ABI3: variants seen among roughly 807,000 people sequenced by gnomAD.
ABI3 encodes ABI family member 3.
ABI3 carries 24 observed loss-of-function variants against 37.0 expected under a neutral mutation model. The observed-to-expected ratio is 0.65, with a 90% CI of 0.47 to 0.91. ABI3 has a LOEUF of 0.91. Ranked by LOEUF, ABI3 falls within the 40% of genes least tolerant of loss-of-function variation. The probability of loss-of-function intolerance (pLI) is 0.00; values close to 1 mark genes in which losing one functional copy is unlikely to be tolerated. For missense variants in ABI3, 481 were observed against 485.1 expected (o/e 0.99, Z 0.08); for synonymous variants, 220 against 211.8 (o/e 1.04, Z -0.34).
At chr17:49,222,054 T>C (rs770045145) in intron 6 of ABI3, 37 bp from the exon 7 acceptor site, 3 of 1,541,812 alleles carry the variant, frequency 1.9e-6, no homozygotes, top group Non-Finnish European at 2.6e-6. Context: ...AGGAGCTTCC[T>C]GTGCCACACT....
chr17:49,217,642 TCC>T (rs113223751), intron 2 of ABI3, 95 bp from the exon 3 acceptor site: 4 of 1,128,426 alleles, frequency 3.5e-6, no homozygotes, highest in Non-Finnish European at 4.9e-6. Flanking sequence ...CCTGGCTGCC[TCC>T]CCCCCCCAGC....
intron 2 of ABI3, among the ~76,000 whole-genome samples, chr17:49,217,494 A>G (rs2043231328): frequency 6.6e-6 from 1 of 151,264 alleles, no homozygotes; most frequent in Non-Finnish European, 1.5e-5. Flanking sequence ...CTGTTCCTGC[A>G]CAGCTAATAA....
intron 1 of ABI3, among the ~76,000 whole-genome samples, chr17:49,215,524 G>T (rs899560989): frequency 2.6e-5 from 4 of 151,854 alleles, no homozygotes; most frequent in Non-Finnish European, 5.9e-5. Flanking sequence ...TTGAGACAGG[G>T]TCTCACTCTG....
At position 49,223,223 on chromosome 17, in the gene ABI3, T is replaced by G; in HGVS notation, c.*508T>G. 2 of 357,322 alleles carry G rather than the reference T, an allele frequency of 5.6e-6. No individual in the cohort carries two copies. The highest frequency in any genetic ancestry group is 1.0e-5 in the Non-Finnish European group (2 of 199,758). 22.1% of individuals were successfully genotyped at this position (357,322 alleles called of 1,614,324 possible). A position where few individuals can be genotyped will look rare whatever the true frequency, so the allele number is the denominator to read the frequency against. On this transcript the variant is annotated 3_prime_UTR_variant, in exon 8 of 8. Transcript: ENST00000225941. ...TGACTGCAACTTGTTCTTTTGCCCA[T>G]TGCTTGCTGTGTGTGTGGTGTGTTC...
Position 49,219,867 on chromosome 17 carries a change from C to T in ABI3, c.558C>T (p.Pro186=). 7 of 1,544,498 alleles carry T rather than the reference C, an allele frequency of 4.5e-6. No individual in the cohort carries two copies. Among genetic ancestry groups the T allele is most frequent in the Non-Finnish European group, 6.1e-6 (7 of 1,150,138 alleles). Residue 186 remains proline (P), a synonymous_variant, in exon 5 of 8, where the codon CCC becomes CCT. Coordinates refer to ENST00000225941, the MANE Select transcript of ABI3 (RefSeq NM_016428.3). This position sits in a 1 kb window ranked among gnomAD's most constrained non-coding sequence, Gnocchi z 4.3. The stretch of plus-strand genomic sequence containing the variant: ...CCCTGCCCCCCGCCAGGAGACCACC[C>T]CGGATTCCCGAGCCAGTGCACCTGC... ...TPASATLGRP[P]RIPEPVHLPV... is the part of the protein sequence containing the mutation.
rs2043202810 is a variant in ABI3 at position 49,214,645 on chromosome 17, G to A, written c.118-1886G>A. Among the ~76,000 whole-genome samples, 12 of 152,334 alleles carry A rather than the reference G, an allele frequency of 7.9e-5. No homozygotes were observed. In the South Asian group the frequency reaches 2.5e-3, roughly 32 times the overall value. On this transcript the variant is annotated intron_variant, in intron 1 of 7. Coordinates refer to ENST00000225941, the MANE Select transcript of ABI3 (RefSeq NM_016428.3). The stretch of plus-strand genomic sequence containing the variant: ...GAATCGCTTGAACCCAGGAGGCGGA[G>A]GTTGGGGTGAGCTGAGATTGTGCCA...
chr17:49,220,439 C>T (rs2043272275), intron 6 of ABI3, 113 bp downstream of exon 6: 1 of 1,359,354 alleles, frequency 7.4e-7, no homozygotes, highest in Non-Finnish European at 1.0e-6. Flanking sequence ...AATGCCTCCT[C>T]CAAGGAGCGC....
Position 49,210,774 on chromosome 17 carries a change from AG to A in ABI3, c.52del (p.Ala18LeufsTer2). ...LQEFEIPTGR[E>X]ALRGNHSALL... The stretch of plus-strand genomic sequence containing the variant: ...GAGTTTGAGATCCCCACTGGCCGGG[AG>A]GCTCTGAGGGGCAACCACAGTGCCC... On this transcript the variant is annotated frameshift_variant, in exon 1 of 8. Coordinates refer to ENST00000225941, the MANE Select transcript of ABI3 (RefSeq NM_016428.3). LOFTEE classifies it high-confidence loss of function. This position sits in a 1 kb window ranked among gnomAD's most constrained non-coding sequence, Gnocchi z 4.2. 1 of 1,555,536 alleles carries A rather than the reference AG, an allele frequency of 6.4e-7. No homozygotes were observed. Among genetic ancestry groups the A allele is most frequent in the Non-Finnish European group, 8.7e-7 (1 of 1,149,276 alleles).
intron 1 of ABI3, among the ~76,000 whole-genome samples, chr17:49,213,202 C>T (rs887948388): frequency 2.6e-5 from 4 of 152,194 alleles, no homozygotes; most frequent in African/African-American, 7.2e-5. Flanking sequence ...CAATGACCAT[C>T]ACTACCATTC....
In ABI3 at chr17:49,222,201, G is replaced by C; in HGVS notation, c.913G>C (p.Val305Leu). 6.2e-7 allele frequency: 1 copy of C among 1,612,796 alleles called. No individual in the cohort carries two copies. The highest frequency in any genetic ancestry group is 8.5e-7 in the Non-Finnish European group (1 of 1,179,468). Residue 305 changes from valine (V) to leucine (L), a missense_variant, in exon 7 of 8, where the codon GTG becomes CTG. Physicochemically the swap from Val to Leu is conservative, Grantham distance 32. Coordinates refer to ENST00000225941, the MANE Select transcript of ABI3 (RefSeq NM_016428.3). ...PGFGPDEPSWVPASYLEKVVT... is the reference protein window; with the variant it reads ...PGFGPDEPSWLPASYLEKVVT... ...ATTTGGGCCTGATGAGCCCAGCTGG[G>C]TGCCTGCCTCATACTTGGAGAAAGG...
rs145273532 is a variant in ABI3, at chr17:49,217,768, C to A, written c.315C>A (p.Ala105=). ...QMVNMHMEKV[A]RREIGTLATV... ...TGAACATGCATATGGAGAAGGTGGC[C>A]CGAAGGGAGATCGGCACCTTAGCCA... is the stretch of plus-strand genomic sequence containing the variant. Residue 105 remains alanine (A), a synonymous_variant, in exon 3 of 8, where the codon GCC becomes GCA. Coordinates refer to ENST00000225941, the MANE Select transcript of ABI3 (RefSeq NM_016428.3). 3.1e-6 allele frequency: 5 copies of A among 1,610,734 alleles called. No homozygotes were observed. The highest frequency in any genetic ancestry group is 1.3e-5 in the African/African-American group (1 of 74,782).
At chr17:49,221,752 G>C (rs1249729868) in intron 6 of ABI3, among the ~76,000 whole-genome samples, 2 of 152,152 alleles carry the variant, frequency 1.3e-5, no homozygotes. Flanking sequence ...GTCTCACTCT[G>C]TCATCCAGGC....
intron 6 of ABI3, 89 bp downstream of exon 6, chr17:49,220,415 G>A (rs1288569319): frequency 1.4e-6 from 2 of 1,471,880 alleles, no homozygotes; most frequent in South Asian, 1.3e-5. Flanking sequence ...GATCTGCCCC[G>A]GCCAGCCTCA....
intron 1 of ABI3, among the ~76,000 whole-genome samples, chr17:49,216,075 C>A (rs935930820): frequency 6.7e-6 from 1 of 150,290 alleles, no homozygotes; most frequent in Non-Finnish European, 1.5e-5. Context: ...CGCACCACTG[C>A]ACTCCAGCCT....
chr17:49,210,922 C>A lies in ABI3; in HGVS notation c.117+81C>A. Reference sequence around the variant, plus strand: ...CCCTGCCCCAAGTGGGGCCCTGGGACCCATCCTGACAGTGCTTGTCCTGGG... The same window carrying A: ...CCCTGCCCCAAGTGGGGCCCTGGGAACCATCCTGACAGTGCTTGTCCTGGG... On this transcript the variant is annotated intron_variant, in intron 1 of 7. Transcript: ENST00000225941. This position sits in a 1 kb window ranked among gnomAD's most constrained non-coding sequence, Gnocchi z 4.2. 8.6e-7 allele frequency: 1 copy of A among 1,166,446 alleles called. No individual in the cohort carries two copies. Among genetic ancestry groups the A allele is most frequent in the Non-Finnish European group, 1.2e-6 (1 of 822,926 alleles). 72.3% of individuals were successfully genotyped at this position (1,166,446 alleles called of 1,614,324 possible).
chr17:49,216,847 T>G (rs988537577), intron 2 of ABI3, 149 bp downstream of exon 2: 40 of 919,232 alleles, frequency 4.4e-5, no homozygotes, highest in Non-Finnish European at 5.9e-5. Context: ...CTTCCCAAGC[T>G]TTTTGGACCT....
chr17:49,217,808 C>T lies in ABI3; in HGVS notation c.355C>T (p.Pro119Ser), dbSNP rs778504447. 1.9e-6 allele frequency: 3 copies of T among 1,609,708 alleles called. No individual in the cohort carries two copies. Among genetic ancestry groups the T allele is most frequent in the Non-Finnish European group, 2.5e-6 (3 of 1,178,142 alleles). Residue 119 changes from proline to serine, a missense_variant, in exon 3 of 8, where the codon CCC becomes TCC. Physicochemically the swap from Pro to Ser is moderately conservative, Grantham distance 74. Transcript: ENST00000225941. The stretch of plus-strand genomic sequence containing the variant: ...CACCTTAGCCACTGTCCAGCGGCTG[C>T]CCCCCGGCCAGAAGGTCATCGCCCC... ...IGTLATVQRL[P>S]PGQKVIAPEN...
intron 1 of ABI3, among the ~76,000 whole-genome samples, chr17:49,213,725 C>T (rs1450223494): frequency 6.6e-6 from 1 of 152,172 alleles, no homozygotes; most frequent in Non-Finnish European, 1.5e-5. Flanking sequence ...AGAGCTGGGC[C>T]CAAGCAGACA....
intron 1 of ABI3, among the ~76,000 whole-genome samples, chr17:49,215,322 C>G (rs969654400): frequency 2.0e-4 from 31 of 152,110 alleles, no homozygotes; most frequent in African/African-American, 6.5e-4. Context: ...GGAGCCAGAC[C>G]TGGAGGGGCT....
Sources: gnomAD v4.1 joint callset for allele counts (sites outside exome capture counted in the v4.1 genomes callset) on GRCh38, gnomAD v4.1.1 for gene constraint, Gnocchi (gnomAD v3.1) non-coding constraint, MANE v1.5 for transcripts, NCBI Gene and HGNC (gene_info 2026-07-23, HGNC 2026-07-21) for gene names.